SCAI: variants seen among roughly 807,000 people sequenced by gnomAD.
SCAI encodes the protein protein SCAI.
In SCAI, 24 loss-of-function variants were observed where a neutral mutation model predicts 92.2. The observed-to-expected ratio is 0.26, with a 90% CI of 0.19 to 0.37. The LOEUF (loss-of-function observed/expected upper bound fraction) is 0.37, where lower values mean the gene tolerates loss of function less well. Among genes scored for constraint, SCAI ranks in the 10% least tolerant of loss-of-function variants. SCAI has a pLI of 1.00. For synonymous variants in SCAI, 261 were observed against 258.6 expected (o/e 1.01, Z -0.09); for missense variants, 450 against 736.2 (o/e 0.61, Z 4.50).
chr9:125,044,206 G>A (rs1450567180), intron 3 of SCAI, among the ~76,000 whole-genome samples: 1 of 152,084 alleles, frequency 6.6e-6, no homozygotes, highest in East Asian at 1.9e-4. Flanking sequence ...CGGGCCTGGG[G>A]GGATAAGGCT....
intron 2 of SCAI, among the ~76,000 whole-genome samples, chr9:125,069,731 C>T (rs934218245): frequency 7.0e-6 from 1 of 142,360 alleles, no homozygotes; most frequent in Non-Finnish European, 1.5e-5. Flanking sequence ...TCAAGCAATT[C>T]TCTGCCTTAG....
intron 15 of SCAI, among the ~76,000 whole-genome samples, chr9:124,973,025 T>C (rs1387438929): frequency 6.6e-6 from 1 of 152,208 alleles, no homozygotes; most frequent in Non-Finnish European, 1.5e-5. Flanking sequence ...GGATTTTGGG[T>C]TTTTTGGGAT....
intron 3 of SCAI, among the ~76,000 whole-genome samples, chr9:125,044,970 G>A (rs1833404808): frequency 6.6e-6 from 1 of 152,182 alleles, no homozygotes; most frequent in African/African-American, 2.4e-5. Flanking sequence ...AGCTTGCTTG[G>A]CTGTGCACAG....
chr9:125,078,480 A>T (rs1834140868), intron 2 of SCAI, among the ~76,000 whole-genome samples: 1 of 152,150 alleles, frequency 6.6e-6, no homozygotes, highest in African/African-American at 2.4e-5. Context: ...GTGAGCTGAG[A>T]TCACGCCACT....
At chr9:125,118,024 C>G (rs1835083064) in intron 2 of SCAI, among the ~76,000 whole-genome samples, 1 of 152,108 alleles carries the variant, frequency 6.6e-6, no homozygotes, top group African/African-American at 2.4e-5. Context: ...CACTAGCACT[C>G]TGCGAAAAAA....
At position 125,059,937 on chromosome 9, in the gene SCAI, C is replaced by T. The variant is rs74500346; in HGVS notation, c.99-3930G>A. Among the ~76,000 whole-genome samples, 730 of 152,238 alleles carry T rather than the reference C, an allele frequency of 4.8e-3. 7 individuals carry two copies. The highest frequency in any genetic ancestry group is 0.016 in the African/African-American group (678 of 41,540). On this transcript the variant is annotated intron_variant, in intron 2 of 17. Transcript: ENST00000336505. ...TCCCCTGGCCTATTTTGTACACCTA[C>T]CAAATTTATATTCATAGTTGAAGAC... is the stretch of plus-strand genomic sequence containing the variant.
chr9:125,003,262 A>C (rs371682014), intron 10 of SCAI, 47 bp from the exon 11 acceptor site: 4 of 1,414,030 alleles, frequency 2.8e-6, no homozygotes, highest in Admixed American at 1.7e-5. Context: ...TGCATTTGAC[A>C]AATGAATTAT....
At position 125,075,020 on chromosome 9, in the gene SCAI, T is replaced by G. The variant is rs77551053; in HGVS notation, c.99-19013A>C. On this transcript the variant is annotated intron_variant, in intron 2 of 17. Coordinates refer to ENST00000336505, the MANE Select transcript of SCAI (RefSeq NM_001144877.3). ...TCAAAAAAAATAAAAGATGAAAAACTAAGGACCAGTTAGTTGGTTATCTAA... is the reference window on the plus strand; with the variant it reads ...TCAAAAAAAATAAAAGATGAAAAACGAAGGACCAGTTAGTTGGTTATCTAA... Among the ~76,000 whole-genome samples, 733 of 151,916 alleles carry G rather than the reference T, an allele frequency of 4.8e-3. 7 individuals carry two copies. Among genetic ancestry groups the G allele is most frequent in the African/African-American group, 0.016 (679 of 41,414 alleles).
chr9:125,072,741 A>G (rs1834002907), intron 2 of SCAI, among the ~76,000 whole-genome samples: 1 of 152,170 alleles, frequency 6.6e-6, no homozygotes, highest in Admixed American at 6.6e-5. Context: ...TTCTGTCGAT[A>G]GGTTTGACTA....
chr9:125,115,840 C>T (rs1835034517), intron 2 of SCAI, among the ~76,000 whole-genome samples: 1 of 152,136 alleles, frequency 6.6e-6, no homozygotes, highest in Non-Finnish European at 1.5e-5. Flanking sequence ...ATTGACAGTA[C>T]ACTATTTTTT....
intron 2 of SCAI, among the ~76,000 whole-genome samples, chr9:125,100,522 C>G (rs1485694310): frequency 6.6e-6 from 1 of 152,180 alleles, no homozygotes. Context: ...ACTATTCATT[C>G]TTTCAACAAT....
intron 3 of SCAI, among the ~76,000 whole-genome samples, chr9:125,051,479 T>C (rs1025068504): frequency 6.6e-5 from 10 of 152,328 alleles, no homozygotes; most frequent in Admixed American, 2.0e-4. Flanking sequence ...GATACGACTC[T>C]ATACCTGGGA....
At chr9:124,963,757 C>CAAAAAAA (rs36017738) in intron 17 of SCAI, among the ~76,000 whole-genome samples, 2 of 52,260 alleles carry the variant, frequency 3.8e-5, no homozygotes, top group Admixed American at 2.8e-4. Flanking sequence ...GAATCTGTCT[C>CAAAAAAA]AAAAAAAAAA....
At chr9:125,092,131 TAAAAAAAAAAAAAAAAAAAAAAAAA>T (rs71374225) in intron 2 of SCAI, among the ~76,000 whole-genome samples, 17,832 of 61,384 alleles carry the variant, frequency 0.29, 1,599 homozygotes, top group East Asian at 0.43. Flanking sequence ...CTCCGTCTCT[TAAAAAAAAAAAAAAAAAAAAAAAAA>T]AAAAAAAAAA....
chr9:125,056,458 C>T (rs1038914069), intron 2 of SCAI, among the ~76,000 whole-genome samples: 5 of 151,972 alleles, frequency 3.3e-5, no homozygotes, highest in East Asian at 1.9e-4. Flanking sequence ...GAGCGAGACA[C>T]CATCTCAAAA....
At chr9:124,970,925 C>T (rs908618220) in intron 17 of SCAI, among the ~76,000 whole-genome samples, 2 of 151,996 alleles carry the variant, frequency 1.3e-5, no homozygotes, top group Admixed American at 1.3e-4. Context: ...AGCAATTCTC[C>T]TGCCTCAGCC....
intron 11 of SCAI, among the ~76,000 whole-genome samples, chr9:125,002,297 C>T (rs966289595): frequency 1.4e-4 from 22 of 152,040 alleles, no homozygotes; most frequent in African/African-American, 5.1e-4. Flanking sequence ...GAATATTCTC[C>T]GAAAACTTGA....
intron 3 of SCAI, among the ~76,000 whole-genome samples, chr9:125,053,345 A>G (rs1833600499): frequency 6.6e-6 from 1 of 152,180 alleles, no homozygotes; most frequent in Non-Finnish European, 1.5e-5. Context: ...AAAAAAAAGG[A>G]AAACCTACGC....
At chr9:125,035,219 G>A (rs1195092481) in intron 3 of SCAI, among the ~76,000 whole-genome samples, 1 of 151,906 alleles carries the variant, frequency 6.6e-6, no homozygotes, top group African/African-American at 2.4e-5. Context: ...AGCCAGGTGT[G>A]GTGGCATGCA....
Sources: allele counts gnomAD v4.1 joint callset (sites outside exome capture counted in the v4.1 genomes callset), GRCh38; gene constraint gnomAD v4.1.1; transcripts MANE v1.5; gene names NCBI Gene and HGNC (gene_info 2026-07-23, HGNC 2026-07-21).